Variants in CAP1 observed in about 807,000 individuals in gnomAD.
The protein encoded by CAP1 is cyclase associated actin cytoskeleton regulatory protein 1.
Under a neutral mutation model 58.2 loss-of-function variants are expected in CAP1, and 11 were observed. The observed-to-expected ratio is 0.19, with a 90% confidence interval of 0.12 to 0.31. CAP1 has a LOEUF of 0.31. Among genes scored for constraint, CAP1 ranks in the 10% least tolerant of loss-of-function variants. CAP1 has a pLI of 1.00. For missense variants in CAP1, 423 were observed against 587.5 expected, an observed-to-expected ratio of 0.72 and a Z score of 2.89; for synonymous variants, 183 against 213.8, an observed-to-expected ratio of 0.86 and a Z score of 1.26.
chr1:40,071,104 A>G (rs1206267537), intron 12 of CAP1, 125 bp downstream of exon 12: 3 of 884,516 alleles, frequency 3.4e-6, no homozygotes, highest in East Asian at 2.4e-5. Context: ...ATGCACACCA[A>G]AAGTACACAG....
chr1:40,046,896 C>T (rs913583341), intron 1 of CAP1, among the ~76,000 whole-genome samples: 5 of 152,006 alleles, frequency 3.3e-5, no homozygotes, highest in Non-Finnish European at 5.9e-5. Flanking sequence ...CCTCAGCCTC[C>T]TGAGTAGCTG....
Position 40,061,788 on chromosome 1 carries a change from T to C in CAP1, c.270T>C (p.Ala90=). Residue 90 remains alanine, a synonymous_variant, in exon 4 of 13, where the codon GCT becomes GCC. Coordinates refer to ENST00000372805, the MANE Select transcript of CAP1 (RefSeq NM_006367.4). ...LKLERALLVT[A]SQCQQPAENK... ...TGGAGCGAGCTCTGTTGGTTACAGC[T>C]TCTCAGTGTCAACAGCCAGCAGAAG... 1 of 1,614,096 alleles carries C rather than the reference T, an allele frequency of 6.2e-7. No homozygotes were observed. Among genetic ancestry groups the C allele is most frequent in the East Asian group, 2.2e-5 (1 of 44,888 alleles).
chr1:40,069,923 T>C (rs1647520811), intron 9 of CAP1, 49 bp downstream of exon 9: 2 of 1,494,164 alleles, frequency 1.3e-6, no homozygotes, highest in African/African-American at 2.8e-5. Flanking sequence ...TTATTTTATT[T>C]TTTTGAGATG....
chr1:40,053,916 T>C (rs1245337338), intron 1 of CAP1, among the ~76,000 whole-genome samples: 1 of 152,198 alleles, frequency 6.6e-6, no homozygotes, highest in Non-Finnish European at 1.5e-5. Context: ...ATTTAATTGA[T>C]ATTATATATT....
In CAP1 at chr1:40,071,977, C is replaced by T; in HGVS notation, c.*444C>T. ...GTGTGTTTCCAGATGGTTCTTCTAA[C>T]CAAACTAATTTTTCACTGTTGACAA... is the stretch of plus-strand genomic sequence containing the variant. On this transcript the variant is annotated 3_prime_UTR_variant, in exon 13 of 13. Transcript: ENST00000372805. 2.5e-6 allele frequency: 1 copy of T among 407,364 alleles called. No homozygotes were observed. Among genetic ancestry groups the T allele is most frequent in the Non-Finnish European group, 4.3e-6 (1 of 230,136 alleles). 25.2% of individuals were successfully genotyped at this position (407,364 alleles called of 1,614,324 possible).
At chr1:40,062,686 GC>G (rs1283175460) in intron 4 of CAP1, among the ~76,000 whole-genome samples, 1 of 152,018 alleles carries the variant, frequency 6.6e-6, no homozygotes, top group Non-Finnish European at 1.5e-5. Context: ...GAAGATTTGG[GC>G]CTGAAAGTTT....
chr1:40,052,351 A>C (rs933096501), intron 1 of CAP1, among the ~76,000 whole-genome samples: 2 of 152,144 alleles, frequency 1.3e-5, no homozygotes, highest in Non-Finnish European at 1.5e-5. Context: ...TCAGTCTTCT[A>C]ATTTTATTTG....
chr1:40,051,465 G>C (rs1646363846), intron 1 of CAP1, among the ~76,000 whole-genome samples: 1 of 152,112 alleles, frequency 6.6e-6, no homozygotes. Flanking sequence ...CAGCTACTCA[G>C]GAGGCTGAAG....
rs1424349083 is a variant in CAP1, at chr1:40,064,466, C to T, written c.439-8C>T. The T allele has an allele frequency of 6.2e-7, 1 of 1,613,220 alleles. No individual in the cohort carries two copies. The highest frequency in any genetic ancestry group is 1.7e-5 in the Admixed American group (1 of 60,024). ...GTCCTGAGTCACTGACAGCTTGTCT[C>T]TCTCTAGGCTCCCAAGCCTGGCCCT... On this transcript the variant is annotated splice_polypyrimidine_tract_variant and splice_region_variant and intron_variant, in intron 5 of 12. Transcript: ENST00000372805.
intron 5 of CAP1, 52 bp downstream of exon 5, chr1:40,064,422 A>C: frequency 6.2e-7 from 1 of 1,612,874 alleles, no homozygotes; most frequent in South Asian, 1.1e-5. Context: ...TTAAGAGGGA[A>C]GGCAATATAG....
intron 12 of CAP1, 90 bp from the exon 13 acceptor site, chr1:40,071,351 GGGGTTAAGT>G (rs1328910877): frequency 1.2e-6 from 1 of 809,094 alleles, no homozygotes; most frequent in Admixed American, 2.2e-5. Flanking sequence ...CCGTGCTCCT[GGGGTTAAGT>G]GGAAGCAAGC....
At chr1:40,069,433 A>G (rs1168126665) in intron 8 of CAP1, 2 of 323,284 alleles carry the variant, frequency 6.2e-6, no homozygotes, top group Non-Finnish European at 5.7e-6. Flanking sequence ...CTTTCTAGAC[A>G]TAGAGGATAA....
At chr1:40,062,562 C>CAACAT (rs1646895007) in intron 4 of CAP1, among the ~76,000 whole-genome samples, 1 of 151,850 alleles carries the variant, frequency 6.6e-6, no homozygotes, top group Non-Finnish European at 1.5e-5. Flanking sequence ...CCAGCCTGGG[C>CAACAT]AACATAGCAA....
intron 1 of CAP1, chr1:40,041,603 C>T (rs2124099679): frequency 6.6e-6 from 1 of 152,342 alleles, no homozygotes; most frequent in South Asian, 2.1e-4. Flanking sequence ...TTTTGTTCAT[C>T]TTTTAAGTGG....
rs1647074105 is a variant in CAP1 at position 40,066,251 on chromosome 1, A to C, written c.561A>C (p.Leu187Phe). 1.2e-6 allele frequency: 2 copies of C among 1,610,594 alleles called. No individual in the cohort carries two copies. The highest frequency in any genetic ancestry group is 1.7e-6 in the Non-Finnish European group (2 of 1,177,760). The change falls in exon 7 of 13, where the codon TTA (leucine) becomes TTC (phenylalanine). Residue 187 changes from leucine (L) to phenylalanine (F), a missense_variant. Transcript: ENST00000372805. ...KKHVDWVKAY[L>F]SIWTELQAYI... is the part of the protein sequence containing the mutation. ...ATGTAGACTGGGTCAAAGCTTATTT[A>C]AGTATATGGACAGAGCTGCAGGCTT...
At chr1:40,050,719 GA>G (rs1465669279) in intron 1 of CAP1, among the ~76,000 whole-genome samples, 1 of 152,014 alleles carries the variant, frequency 6.6e-6, no homozygotes, top group East Asian at 1.9e-4. Context: ...TATTTTAGAT[GA>G]ATAACAGCTT....
chr1:40,045,696 G>A (rs1426438496), intron 1 of CAP1, among the ~76,000 whole-genome samples: 1 of 152,076 alleles, frequency 6.6e-6, no homozygotes. Context: ...GCTGGGACTA[G>A]AGGCACACAC....
chr1:40,071,809 A>G lies in CAP1; in HGVS notation c.*276A>G, dbSNP rs1367584107. The G allele has an allele frequency of 6.1e-6, 3 of 492,100 alleles. No homozygotes were observed. Among genetic ancestry groups the G allele is most frequent in the African/African-American group, 5.8e-5 (3 of 51,806 alleles). 30.5% of individuals were successfully genotyped at this position (492,100 alleles called of 1,614,324 possible). A position where few individuals can be genotyped will look rare whatever the true frequency, so the allele number is the denominator to read the frequency against. The stretch of plus-strand genomic sequence containing the variant: ...AAGGAACTGCCGACTAGGACTGATG[A>G]TGCATTTTAGCTTTGAGCTTTTGGG... On this transcript the variant is annotated 3_prime_UTR_variant, in exon 13 of 13. Coordinates refer to ENST00000372805, the MANE Select transcript of CAP1 (RefSeq NM_006367.4).
intron 1 of CAP1, among the ~76,000 whole-genome samples, chr1:40,056,067 C>T (rs181257277): frequency 3.3e-5 from 5 of 152,196 alleles, no homozygotes; most frequent in Admixed American, 2.6e-4. Flanking sequence ...TTGATAACTG[C>T]TTATAGTCAC....
Sources: allele counts gnomAD v4.1 joint callset (sites outside exome capture counted in the v4.1 genomes callset), GRCh38; gene constraint gnomAD v4.1.1; transcripts MANE v1.5; gene names NCBI Gene and HGNC (gene_info 2026-07-23, HGNC 2026-07-21).